The following SND1 variants were observed in gnomAD, a reference collection of about 807,000 sequenced individuals.
The protein encoded by SND1 is staphylococcal nuclease and tudor domain containing 1.
In SND1, 38 loss-of-function variants were observed where a neutral mutation model predicts 121.7. The observed-to-expected ratio is 0.31, with a 90% confidence interval of 0.24 to 0.41. The LOEUF is 0.41. Among genes scored for constraint, SND1 ranks in the 10% least tolerant of loss-of-function variants. The probability of loss-of-function intolerance (pLI) is 1.00; values close to 1 mark genes in which losing one functional copy is unlikely to be tolerated. For synonymous variants in SND1, 401 were observed against 447.4 expected (o/e 0.90, Z 1.31); for missense variants, 868 against 1,184.6 (o/e 0.73, Z 3.92).
intron 16 of SND1, among the ~76,000 whole-genome samples, chr7:128,058,006 C>T (rs1793170886): frequency 6.6e-6 from 1 of 152,230 alleles, no homozygotes; most frequent in Admixed American, 6.5e-5. Flanking sequence ...GCAGCATCTA[C>T]CAAAGGACTA....
At chr7:127,686,506 T>C in intron 1 of SND1, 107 bp from the exon 2 acceptor site, 1 of 1,230,062 alleles carries the variant, frequency 8.1e-7, no homozygotes, top group Non-Finnish European at 1.1e-6. Flanking sequence ...TGCATGCCTT[T>C]GAAGTGCAAA....
chr7:128,041,147 G>A (rs1450116068), intron 16 of SND1, among the ~76,000 whole-genome samples: 2 of 152,144 alleles, frequency 1.3e-5, no homozygotes, highest in African/African-American at 4.8e-5. Flanking sequence ...CTTAAGAGCG[G>A]AGGGGGCCCC....
At chr7:127,711,012 C>T (rs1796288542) in intron 9 of SND1, among the ~76,000 whole-genome samples, 1 of 152,112 alleles carries the variant, frequency 6.6e-6, no homozygotes, top group Admixed American at 6.5e-5. Flanking sequence ...TTTTTACATA[C>T]TTATTTTAAT....
intron 12 of SND1, among the ~76,000 whole-genome samples, chr7:127,855,588 T>C (rs1330489460): frequency 2.0e-5 from 3 of 152,328 alleles, no homozygotes. Flanking sequence ...GTGAGGATTA[T>C]AGGTGATACT....
Position 127,945,005 on chromosome 7 carries a change from A to G in SND1, c.1669+15676A>G, listed in dbSNP as rs922605167. ...CACCCTCCTGACTACATCCCCCTCT[A>G]TCACTCCCTCTGACATCACTGTTTC... On this transcript the variant is annotated intron_variant, in intron 15 of 23. Coordinates refer to ENST00000354725, the MANE Select transcript of SND1 (RefSeq NM_014390.4). Among the ~76,000 whole-genome samples, 10 of 152,210 alleles carry G rather than the reference A, an allele frequency of 6.6e-5. 1 individual carries two copies. Among genetic ancestry groups the G allele is most frequent in the African/African-American group, 2.2e-4 (9 of 41,532 alleles).
chr7:127,970,045 G>A (rs1418123265), intron 15 of SND1, among the ~76,000 whole-genome samples: 1 of 152,158 alleles, frequency 6.6e-6, no homozygotes, highest in Non-Finnish European at 1.5e-5. Flanking sequence ...TGTTATGTGA[G>A]TTTCTTCTCC....
intron 1 of SND1, among the ~76,000 whole-genome samples, chr7:127,672,005 G>A (rs753171195): frequency 1.3e-5 from 2 of 152,194 alleles, no homozygotes; most frequent in African/African-American, 4.8e-5. Context: ...TGCTGGGAAC[G>A]AGGACATAGG....
At chr7:127,758,786 G>GCTCATGCCTGTGAT (rs1797244706) in intron 10 of SND1, among the ~76,000 whole-genome samples, 2 of 152,138 alleles carry the variant, frequency 1.3e-5, no homozygotes, top group Non-Finnish European at 2.9e-5. Flanking sequence ...AGGCACGGTG[G>GCTCATGCCTGTGAT]CTCATGCCTG....
chr7:127,805,001 C>T (rs530223992), intron 10 of SND1, among the ~76,000 whole-genome samples: 29 of 152,124 alleles, frequency 1.9e-4, no homozygotes, highest in African/African-American at 7.0e-4. Flanking sequence ...TGTTTATTAC[C>T]GGCACCTGGT....
intron 9 of SND1, 36 bp from the exon 10 acceptor site, chr7:127,721,251 A>C (rs1393942695): frequency 1.4e-5 from 20 of 1,461,242 alleles, no homozygotes; most frequent in Non-Finnish European, 1.9e-5. Context: ...TGGGGGCCAT[A>C]GAAGCAGGTT....
chr7:127,850,183 C>T (rs1245430039), intron 12 of SND1, among the ~76,000 whole-genome samples: 1 of 151,954 alleles, frequency 6.6e-6, no homozygotes, highest in Non-Finnish European at 1.5e-5. Context: ...TTTTTTAATC[C>T]TAGTTTGGTT....
Position 128,085,833 on chromosome 7 carries a change from G to A in SND1, c.2304+53G>A, listed in dbSNP as rs759752907. The A allele has an allele frequency of 4.7e-5, 69 of 1,452,724 alleles. No individual in the cohort carries two copies. The highest frequency in any genetic ancestry group is 6.2e-5 in the Non-Finnish European group (64 of 1,034,092). The allele number at this position is 1,452,724 out of a possible 1,614,324, so 90.0% of individuals were successfully genotyped here. A position where few individuals can be genotyped will look rare whatever the true frequency, so the allele number is the denominator to read the frequency against. ...GGGGCTATCAAACACAGCAGCCCCCGAGTCAAATCCATCTGATCTCTCCAA... is the reference window on the plus strand; with the variant it reads ...GGGGCTATCAAACACAGCAGCCCCCAAGTCAAATCCATCTGATCTCTCCAA... On this transcript the variant is annotated intron_variant, in intron 20 of 23. Transcript: ENST00000354725. The surrounding 1 kb of genome is among the most constrained non-coding windows in gnomAD (Gnocchi z 4.4).
intron 13 of SND1, among the ~76,000 whole-genome samples, chr7:127,892,445 C>T (rs561155178): frequency 1.2e-4 from 18 of 152,268 alleles, no homozygotes; most frequent in African/African-American, 2.2e-4. Context: ...CTGTTCAGTT[C>T]GCTGACCCTT....
chr7:128,005,967 T>C (rs765581762), intron 16 of SND1, among the ~76,000 whole-genome samples: 1 of 152,194 alleles, frequency 6.6e-6, no homozygotes, highest in Non-Finnish European at 1.5e-5. Flanking sequence ...ATGAGTGTGC[T>C]GAGTGAAAAG....
chr7:127,924,175 G>T (rs1800785010), intron 14 of SND1, among the ~76,000 whole-genome samples: 2 of 152,198 alleles, frequency 1.3e-5, no homozygotes, highest in East Asian at 1.9e-4. Flanking sequence ...GCATATGCTT[G>T]CACCTCCAGG....
chr7:127,929,079 A>G, intron 14 of SND1, 109 bp from the exon 15 acceptor site: 2 of 1,044,578 alleles, frequency 1.9e-6, no homozygotes, highest in Non-Finnish European at 2.9e-6. Flanking sequence ...ATGTCTATAA[A>G]TAGGGTTATT....
chr7:127,835,546 T>G (rs532632396), intron 11 of SND1, among the ~76,000 whole-genome samples: 2 of 152,212 alleles, frequency 1.3e-5, no homozygotes, highest in African/African-American at 4.8e-5. Context: ...AGGGACAGTT[T>G]CCAGTAGTGC....
chr7:128,058,385 G>C (rs1394861151), intron 16 of SND1, among the ~76,000 whole-genome samples: 3 of 152,246 alleles, frequency 2.0e-5, no homozygotes, highest in Non-Finnish European at 4.4e-5. Flanking sequence ...GTTACAGCTT[G>C]AAGAAACTGA....
At chr7:127,743,004 C>T (rs1796911683) in intron 10 of SND1, among the ~76,000 whole-genome samples, 1 of 152,138 alleles carries the variant, frequency 6.6e-6, no homozygotes, top group African/African-American at 2.4e-5. Context: ...TCACTGGGCA[C>T]AGTTATGGAG....
Sources: allele counts gnomAD v4.1 joint callset (sites outside exome capture counted in the v4.1 genomes callset), GRCh38; gene constraint gnomAD v4.1.1; non-coding constraint Gnocchi (gnomAD v3.1); transcripts MANE v1.5; gene names NCBI Gene and HGNC (gene_info 2026-07-23, HGNC 2026-07-21).